Variants in SLC60A1 observed in about 807,000 individuals in gnomAD.
SLC60A1 encodes major facilitator superfamily domain containing 4.
At chr1:205,580,870 CG>C in the SLC60A1 span, 1 of 1,614,120 alleles carries the variant, frequency 6.2e-7, no homozygotes. This position sits in a 1 kb window ranked among gnomAD's most constrained non-coding sequence, Gnocchi z 5.0. Flanking sequence ...CTCCAAAGGA[CG>C]GGGCAGGGAC....
At chr1:205,571,082 G>T in the SLC60A1 span, among the ~76,000 whole-genome samples, 17 of 152,184 alleles carry the variant, frequency 1.1e-4, no homozygotes, top group African/African-American at 3.9e-4. Flanking sequence ...AAAAATCATG[G>T]TAACAATGAT....
the SLC60A1 span, among the ~76,000 whole-genome samples, chr1:205,591,626 G>A: frequency 6.6e-6 from 1 of 152,238 alleles, no homozygotes; most frequent in East Asian, 1.9e-4. Context: ...TGGGTGGCTG[G>A]CTAGGATTCC....
chr1:205,602,482 A>G, the SLC60A1 span: 1 of 152,660 alleles, frequency 6.6e-6, no homozygotes, highest in Non-Finnish European at 1.5e-5. Context: ...AAGTAAGTGA[A>G]TTTGTATAAA....
chr1:205,584,062 GAC>G, the SLC60A1 span: 1 of 1,614,052 alleles, frequency 6.2e-7, no homozygotes, highest in Non-Finnish European at 8.5e-7. Flanking sequence ...TTGCCTTGGA[GAC>G]ACAGCCTCCT....
At chr1:205,575,515 T>C in the SLC60A1 span, among the ~76,000 whole-genome samples, 5 of 152,026 alleles carry the variant, frequency 3.3e-5, no homozygotes, top group African/African-American at 1.2e-4. Context: ...AGCCAACTAT[T>C]CCCTCCTCTT....
chr1:205,585,798 C>A, the SLC60A1 span, among the ~76,000 whole-genome samples: 4 of 152,170 alleles, frequency 2.6e-5, no homozygotes, highest in African/African-American at 9.7e-5. This position sits in a 1 kb window ranked among gnomAD's most constrained non-coding sequence, Gnocchi z 4.2. Flanking sequence ...TCTCTGGAAC[C>A]CCTAGGTCTC....
chr1:205,586,026 C>T, the SLC60A1 span: 2 of 1,590,780 alleles, frequency 1.3e-6, no homozygotes, highest in South Asian at 1.1e-5. Context: ...CGCCCGGTCT[C>T]TCCACAGGGT....
At chr1:205,588,529 T>G in the SLC60A1 span, among the ~76,000 whole-genome samples, 6,924 of 147,252 alleles carry the variant, frequency 0.047, 228 homozygotes, top group Non-Finnish European at 0.073. Context: ...ACCCCAGAGA[T>G]TCTAATTTAG....
At chr1:205,573,917 G>A in the SLC60A1 span, among the ~76,000 whole-genome samples, 7,530 of 151,746 alleles carry the variant, frequency 0.05, 285 homozygotes, top group Non-Finnish European at 0.073. Context: ...GGCTGCCCTC[G>A]AACTCCTGAC....
At chr1:205,587,978 T>G in the SLC60A1 span, among the ~76,000 whole-genome samples, 1 of 152,130 alleles carries the variant, frequency 6.6e-6, no homozygotes, top group Non-Finnish European at 1.5e-5. Flanking sequence ...CCTGGAGTGC[T>G]GGGTTTTAAA....
the SLC60A1 span, chr1:205,597,687 A>G: frequency 7.5e-7 from 1 of 1,329,378 alleles, no homozygotes. Context: ...CGAAATGCAT[A>G]TGCCACTGTG....
the SLC60A1 span, chr1:205,592,356 T>G: frequency 7.0e-7 from 1 of 1,434,418 alleles, no homozygotes; most frequent in East Asian, 2.4e-5. Context: ...CTCTGCCCTG[T>G]CTCTCTGTGC....
At chr1:205,576,724 T>C in the SLC60A1 span, among the ~76,000 whole-genome samples, 1 of 152,320 alleles carries the variant, frequency 6.6e-6, no homozygotes, top group Non-Finnish European at 1.5e-5. Flanking sequence ...GGCAACAGCA[T>C]ATCATTCTAA....
the SLC60A1 span, among the ~76,000 whole-genome samples, chr1:205,576,484 A>G: frequency 6.6e-6 from 1 of 152,194 alleles, no homozygotes; most frequent in Non-Finnish European, 1.5e-5. Flanking sequence ...GCTAAGCATA[A>G]GTGGCTTGCC....
At chr1:205,573,916 C>T in the SLC60A1 span, among the ~76,000 whole-genome samples, 232 of 151,904 alleles carry the variant, frequency 1.5e-3, 2 homozygotes, top group African/African-American at 5.2e-3. Flanking sequence ...AGGCTGCCCT[C>T]GAACTCCTGA....
the SLC60A1 span, chr1:205,601,728 C>CGCAT: frequency 6.6e-6 from 1 of 152,284 alleles, no homozygotes; most frequent in Non-Finnish European, 1.5e-5. Context: ...TGACTACAGG[C>CGCAT]GCATGCCATC....
the SLC60A1 span, chr1:205,599,046 C>G: frequency 3.2e-6 from 5 of 1,556,370 alleles, no homozygotes; most frequent in Non-Finnish European, 4.4e-6. Flanking sequence ...AAAAACCAGC[C>G]AAGGATGGAG....
At chr1:205,596,786 CAG>C in the SLC60A1 span, among the ~76,000 whole-genome samples, 2 of 152,030 alleles carry the variant, frequency 1.3e-5, no homozygotes, top group East Asian at 1.9e-4. Context: ...GGGGCTTGCG[CAG>C]AGAGTTGGGC....
the SLC60A1 span, among the ~76,000 whole-genome samples, chr1:205,573,428 A>G: frequency 6.6e-5 from 5 of 75,424 alleles, no homozygotes; most frequent in Admixed American, 3.0e-4. Context: ...TCAAAAAAAG[A>G]AAAAAAAAAA....
Sources: allele counts gnomAD v4.1 joint callset (sites outside exome capture counted in the v4.1 genomes callset), GRCh38; gene constraint gnomAD v4.1.1; non-coding constraint Gnocchi (gnomAD v3.1); transcripts MANE v1.5; gene names NCBI Gene and HGNC (gene_info 2026-07-23, HGNC 2026-07-21).